The following CCT7 variants were observed in gnomAD, a reference collection of about 807,000 sequenced individuals.
CCT7 encodes chaperonin containing TCP1 subunit 7.
CCT7 carries 16 observed loss-of-function variants against 56.6 expected under a neutral mutation model. The observed-to-expected ratio is 0.28, with a 90% confidence interval of 0.19 to 0.43. CCT7 has a LOEUF of 0.43. Ranked by LOEUF, CCT7 falls within the 20% of genes least tolerant of loss-of-function variation. The probability of loss-of-function intolerance (pLI) is 1.00; values close to 1 mark genes in which losing one functional copy is unlikely to be tolerated. For missense variants in CCT7, 519 were observed against 685.6 expected (o/e 0.76, Z 2.71); for synonymous variants, 262 against 254.8 (o/e 1.03, Z -0.27).
chr2:73,252,799 C>G lies in CCT7; in HGVS notation c.1570C>G (p.Arg524Gly). ...VSVDETIKNP[R>G]STVDAPTAAG... Reference sequence around the variant, plus strand: ...TGTAGATGAAACCATCAAGAACCCCCGCTCGACTGTGGATGCTCCCACAGC... The same window carrying G: ...TGTAGATGAAACCATCAAGAACCCCGGCTCGACTGTGGATGCTCCCACAGC... The change falls in exon 12 of 12, where the codon CGC becomes GGC. Residue 524 changes from arginine to glycine, a missense_variant. Arg to Gly is a moderately radical substitution (Grantham distance 125, BLOSUM62 -2). Around this residue, in one of 3 missense-constraint regions of CCT7, gnomAD observed 237 missense variants for 300.8 expected, o/e 0.79. Coordinates refer to ENST00000258091, the MANE Select transcript of CCT7 (RefSeq NM_006429.4). 6.2e-7 allele frequency: 1 copy of G among 1,614,162 alleles called. No homozygotes were observed. Among genetic ancestry groups the G allele is most frequent in the Non-Finnish European group, 8.5e-7 (1 of 1,180,032 alleles).
At chr2:73,250,277 A>G (rs1687520668) in intron 9 of CCT7, 29 bp from the exon 10 acceptor site, 6 of 1,613,492 alleles carry the variant, frequency 3.7e-6, no homozygotes, top group African/African-American at 1.3e-5. Flanking sequence ...ACAAGAGTTC[A>G]TGTGTGTACT....
rs1409217411 is a variant in CCT7, at chr2:73,244,529, G to C, written c.447-15G>C. 6.3e-7 allele frequency: 1 copy of C among 1,599,990 alleles called. No individual in the cohort carries two copies. The highest frequency in any genetic ancestry group is 2.2e-5 in the East Asian group (1 of 44,670). On this transcript the variant is annotated splice_polypyrimidine_tract_variant and intron_variant, in intron 5 of 11. Coordinates refer to ENST00000258091, the MANE Select transcript of CCT7 (RefSeq NM_006429.4). The stretch of plus-strand genomic sequence containing the variant: ...GTTTTCAAGACCTGATGCAGATTCT[G>C]CCCTTGTGTCCCAGGGAGCAGAGGA...
intron 5 of CCT7, 30 bp downstream of exon 5, chr2:73,244,079 T>G (rs769412209): frequency 6.2e-7 from 1 of 1,600,138 alleles, no homozygotes; most frequent in South Asian, 1.1e-5. Flanking sequence ...TTTTTTTTTT[T>G]TTTAAAGAGA....
chr2:73,252,233 C>G (rs1687622425), intron 11 of CCT7, among the ~76,000 whole-genome samples: 2 of 151,682 alleles, frequency 1.3e-5, no homozygotes, highest in South Asian at 2.1e-4. Flanking sequence ...TCTCACTTGC[C>G]TCATCTGTAA....
rs779246990 is a variant in CCT7 at position 73,249,217 on chromosome 2, G to A, written c.972+38G>A. On this transcript the variant is annotated intron_variant, in intron 8 of 11. Coordinates refer to ENST00000258091, the MANE Select transcript of CCT7 (RefSeq NM_006429.4). Reference sequence around the variant, plus strand: ...TCACAGGCTGCTTCTCGGCCTTTGTGGCCCTGAAGGGTTTTCACTGACCCC... The same window carrying A: ...TCACAGGCTGCTTCTCGGCCTTTGTAGCCCTGAAGGGTTTTCACTGACCCC... 26 of 1,535,644 alleles carry A rather than the reference G, an allele frequency of 1.7e-5. No homozygotes were observed. The South Asian group carries it at 3.2e-4, about 19-fold the overall frequency.
intron 11 of CCT7, 114 bp downstream of exon 11, chr2:73,251,546 C>CA: frequency 1.2e-6 from 1 of 868,748 alleles, no homozygotes; most frequent in Admixed American, 2.1e-5. Flanking sequence ...GGCTGCAACT[C>CA]CCCCCAGCCT....
chr2:73,243,693 C>A (rs534963938), intron 4 of CCT7, among the ~76,000 whole-genome samples: 1 of 152,304 alleles, frequency 6.6e-6, no homozygotes, highest in South Asian at 2.1e-4. Flanking sequence ...GGCTTAATCT[C>A]GTGTCACAGC....
Position 73,252,909 on chromosome 2 carries a change from C to G in CCT7, c.*48C>G. On this transcript the variant is annotated 3_prime_UTR_variant, in exon 12 of 12. Transcript: ENST00000258091. ...GCTGGCTGGCTGCTGGGTGCACTTA[C>G]CCTCCTTGGCTTGGTTACTTCATTT... is the stretch of plus-strand genomic sequence containing the variant. 7.0e-7 allele frequency: 1 copy of G among 1,428,452 alleles called. No individual in the cohort carries two copies. The highest frequency in any genetic ancestry group is 9.8e-7 in the Non-Finnish European group (1 of 1,022,674). 88.5% of individuals were successfully genotyped at this position (1,428,452 alleles called of 1,614,324 possible). A position where few individuals can be genotyped will look rare whatever the true frequency, so the allele number is the denominator to read the frequency against.
chr2:73,238,823 T>C (rs1686984335), intron 1 of CCT7, among the ~76,000 whole-genome samples: 2 of 152,224 alleles, frequency 1.3e-5, no homozygotes, highest in Non-Finnish European at 2.9e-5. Context: ...TGGTGGTCAC[T>C]AGAGCAAAGA....
rs78602288 is a variant in CCT7 at position 73,240,900 on chromosome 2, C to CTT, written c.267+372_267+373dup. Among the ~76,000 whole-genome samples the CTT allele has an allele frequency of 1.1e-3, 148 of 135,070 alleles. 1 individual carries two copies. The highest frequency in any genetic ancestry group is 2.8e-3 in the African/African-American group (104 of 36,548). The allele number at this position is 135,070 out of a possible 152,430, so 88.6% of individuals were successfully genotyped here. ...TAAGACTTCCAATCTGCCTTTCTTTCTTTTTTTTTTTTTTTTAAAGAGATA... is the reference window on the plus strand; with the variant it reads ...TAAGACTTCCAATCTGCCTTTCTTTCTTTTTTTTTTTTTTTTTTAAAGAGATA... On this transcript the variant is annotated intron_variant, in intron 3 of 11. Coordinates refer to ENST00000258091, the MANE Select transcript of CCT7 (RefSeq NM_006429.4).
At chr2:73,244,070 T>C in intron 5 of CCT7, 21 bp downstream of exon 5, 2 of 1,598,762 alleles carry the variant, frequency 1.3e-6, no homozygotes, top group Non-Finnish European at 8.5e-7. Context: ...AGTGGGTTTT[T>C]TTTTTTTTTT....
chr2:73,241,799 G>C (rs747212946), intron 3 of CCT7, among the ~76,000 whole-genome samples: 1 of 150,654 alleles, frequency 6.6e-6, no homozygotes, highest in Non-Finnish European at 1.5e-5. Flanking sequence ...GGAGTGCAAT[G>C]GTGTGATCTT....
intron 1 of CCT7, among the ~76,000 whole-genome samples, chr2:73,238,639 A>G (rs542550333): frequency 1.2e-4 from 19 of 152,382 alleles, no homozygotes; most frequent in Admixed American, 1.1e-3. Context: ...AACACAATAA[A>G]AGTTTTGAAA....
At chr2:73,241,857 C>T (rs138773713) in intron 3 of CCT7, among the ~76,000 whole-genome samples, 5,956 of 151,730 alleles carry the variant, frequency 0.039, 153 homozygotes, top group Middle Eastern at 0.099. Context: ...TCTCTTGCCT[C>T]AGCCTCCCGA....
intron 10 of CCT7, 93 bp downstream of exon 10, chr2:73,250,531 A>C: frequency 7.0e-6 from 10 of 1,434,782 alleles, no homozygotes; most frequent in Non-Finnish European, 9.7e-6. Flanking sequence ...TTCCTTCTCT[A>C]TATAACCTGC....
In CCT7 at chr2:73,249,923, C is replaced by T. The variant is rs201162284; in HGVS notation, c.1070+7C>T. On this transcript the variant is annotated splice_region_variant and intron_variant, in intron 9 of 11. Coordinates refer to ENST00000258091, the MANE Select transcript of CCT7 (RefSeq NM_006429.4). Reference sequence around the variant, plus strand: ...CCCAGATTGGAGGCGAGAGGTGAGCCGTGGGCCCAGGCCGAGCTCACAAAC... The same window carrying T: ...CCCAGATTGGAGGCGAGAGGTGAGCTGTGGGCCCAGGCCGAGCTCACAAAC... 1.4e-4 allele frequency: 222 copies of T among 1,594,726 alleles called. No individual in the cohort carries two copies. Among genetic ancestry groups the T allele is most frequent in the Admixed American group, 6.8e-4 (41 of 60,016 alleles).
intron 10 of CCT7, 25 bp from the exon 11 acceptor site, chr2:73,251,201 T>C (rs780957626): frequency 1.9e-6 from 3 of 1,609,382 alleles, no homozygotes; most frequent in African/African-American, 2.7e-5. Context: ...CCCTCTTACA[T>C]TGAGAGGTGG....
At chr2:73,247,252 A>G (rs1457058652) in intron 6 of CCT7, among the ~76,000 whole-genome samples, 2 of 152,184 alleles carry the variant, frequency 1.3e-5, no homozygotes, top group African/African-American at 4.8e-5. Context: ...CGTCAAGGCT[A>G]TAGTATCCAT....
intron 6 of CCT7, among the ~76,000 whole-genome samples, chr2:73,246,493 G>T (rs1687344032): frequency 6.6e-6 from 1 of 152,168 alleles, no homozygotes; most frequent in Non-Finnish European, 1.5e-5. Flanking sequence ...CCCTCTTCCA[G>T]TCTTGGATCC....
Sources: gnomAD v4.1 joint callset for allele counts (sites outside exome capture counted in the v4.1 genomes callset) on GRCh38, gnomAD v4.1.1 for gene constraint, gnomAD v4.1.1 regional missense constraint, MANE v1.5 for transcripts, NCBI Gene and HGNC (gene_info 2026-07-23, HGNC 2026-07-21) for gene names.